Variants in SMARCA1 observed in about 807,000 individuals in gnomAD.
SMARCA1 encodes the protein SWI/SNF-related matrix-associated actin-dependent regulator of chromatin subfamily A member 1.
Under a neutral mutation model 93.6 loss-of-function variants are expected in SMARCA1, and 17 were observed. The ratio of observed to expected loss-of-function variants is 0.18; its 90% CI spans 0.12 to 0.27. The LOEUF is 0.27. SMARCA1 is among the 10% of genes least tolerant of loss of function. The pLI, the probability that SMARCA1 is intolerant of heterozygous loss-of-function variation, is 1.00. For synonymous variants in SMARCA1, 271 were observed against 271.4 expected (o/e 1.00, Z 0.01); for missense variants, 630 against 819.0 (o/e 0.77, Z 2.82).
chrX:129,502,000 G>A (rs150569525), intron 9 of SMARCA1, among the ~76,000 whole-genome samples: 1,371 of 111,925 alleles, frequency 0.012, 11 homozygotes, highest in African/African-American at 0.043. Flanking sequence ...TAAGTATATA[G>A]CAGACAATAA....
chrX:129,488,868 T>C, intron 16 of SMARCA1, 69 bp downstream of exon 16: 1 of 665,567 alleles, frequency 1.5e-6, no homozygotes, highest in Non-Finnish European at 2.3e-6. Context: ...ACAATGAAAA[T>C]ATAAGTATGC....
intron 23 of SMARCA1, among the ~76,000 whole-genome samples, chrX:129,449,342 C>T (rs150737948): frequency 0.017 from 1,933 of 111,605 alleles, 44 homozygotes; most frequent in East Asian, 0.15. Context: ...CTAGGTGGGG[C>T]GTACAGGATG....
chrX:129,449,291 C>T (rs7060260), intron 23 of SMARCA1, among the ~76,000 whole-genome samples: 2,049 of 111,914 alleles, frequency 0.018, 56 homozygotes, highest in African/African-American at 0.062. Flanking sequence ...TATTACATGG[C>T]TTCTCAGAGC....
At chrX:129,481,258 G>T in intron 17 of SMARCA1, 73 bp from the exon 18 acceptor site, 1 of 638,622 alleles carries the variant, frequency 1.6e-6, no homozygotes, top group Non-Finnish European at 2.5e-6. Context: ...AGTACATCGA[G>T]GCTGCAGAAA....
At chrX:129,499,045 C>CTT (rs35021103) in intron 10 of SMARCA1, among the ~76,000 whole-genome samples, 2 of 105,429 alleles carry the variant, frequency 1.9e-5, no homozygotes, top group Admixed American at 1.0e-4. Flanking sequence ...AGCAAGAATG[C>CTT]TTTTTTTTTT....
At chrX:129,464,027 A>G (rs1602656653) in intron 23 of SMARCA1, among the ~76,000 whole-genome samples, 1 of 111,423 alleles carries the variant, frequency 9.0e-6, no homozygotes, top group South Asian at 3.7e-4. Context: ...CATTCCAACT[A>G]CTCTAGCTCC....
Position 129,465,689 on chromosome X carries a change from T to C in SMARCA1, c.2861A>G (p.Tyr954Cys). The C allele has an allele frequency of 8.4e-7, 1 of 1,192,543 alleles. No individual in the cohort carries two copies. The highest frequency in any genetic ancestry group is 1.7e-5 in the African/African-American group (1 of 57,241). ...KAPFHQLRIQ[Y>C]GTSKGKNYTE... is the part of the protein sequence containing the mutation. ...ATAGTTCTTTCCTTTGCTGGTTCCA[T>C]ACTGAATGCGCAACTGATGAAATGG... The change falls in exon 23 of 25, where the codon TAT becomes TGT. Residue 954 changes from tyrosine (Y) to cysteine (C), a missense_variant. Tyr to Cys is a radical substitution (Grantham distance 194). Coordinates refer to ENST00000371121, the MANE Select transcript of SMARCA1 (RefSeq NM_001282874.2).
At chrX:129,522,045 T>A (rs1189573767) in intron 1 of SMARCA1, among the ~76,000 whole-genome samples, 1 of 111,846 alleles carries the variant, frequency 8.9e-6, no homozygotes, top group Non-Finnish European at 1.9e-5. Context: ...CTTTTTAAAA[T>A]TGCGATATGA....
intron 12 of SMARCA1, among the ~76,000 whole-genome samples, chrX:129,495,380 G>A (rs1428858659): frequency 9.0e-6 from 1 of 111,650 alleles, no homozygotes; most frequent in African/African-American, 3.3e-5. Context: ...ACAGGAACTG[G>A]GGTCTTGTCC....
In SMARCA1 at chrX:129,475,149, A is replaced by T. The variant is rs761389170; in HGVS notation, c.2443-3823T>A. Among the ~76,000 whole-genome samples the T allele has an allele frequency of 5.9e-3, 611 of 102,905 alleles. 3 individuals carry two copies. Among genetic ancestry groups the T allele is most frequent in the Admixed American group, 0.019 (178 of 9,492 alleles). 89.4% of individuals were successfully genotyped at this position (102,905 alleles called of 115,157 possible). ...TAGTCATCATTTTAATAAGACATAC[A>T]TTTTTTTTTTTTTACCTCATGAGGT... On this transcript the variant is annotated intron_variant, in intron 19 of 24. Transcript: ENST00000371121.
At position 129,523,328 on chromosome X, in the gene SMARCA1, C is replaced by CGGCTGCCACGGT; in HGVS notation, c.31_42dup (p.Thr11_Ala14dup). ...ACCACGATAGTGGCGGTCGCATCCG[C>CGGCTGCCACGGT]GGCTGCCACGGTGGCTGCCACTGCG... On this transcript the variant is annotated inframe_insertion, in exon 1 of 25. Transcript: ENST00000371121. 2 of 1,198,524 alleles carry CGGCTGCCACGGT rather than the reference C, an allele frequency of 1.7e-6. No individual in the cohort carries two copies. The highest frequency in any genetic ancestry group is 6.0e-5 in the East Asian group (2 of 33,548).
At chrX:129,472,942 G>A (rs1907815651) in intron 19 of SMARCA1, among the ~76,000 whole-genome samples, 1 of 111,581 alleles carries the variant, frequency 9.0e-6, no homozygotes, top group South Asian at 3.8e-4. Context: ...TGCCCACAAG[G>A]AGCTCACAAA....
At position 129,504,752 on chromosome X, in the gene SMARCA1, G is replaced by C; in HGVS notation, c.1149C>G (p.Leu383=). ...TACTTACTGCATGAAGTCTTTCCAC[G>C]AGTTTTTGATCACCAAGACAATTTT... ...DTKNCLGDQK[L]VERLHAVLKP... is the part of the protein sequence containing the mutation. Residue 383 remains leucine, a synonymous_variant, in exon 9 of 25, where the codon CTC becomes CTG. Transcript: ENST00000371121. 8.3e-7 allele frequency: 1 copy of C among 1,197,843 alleles called. No individual in the cohort carries two copies. The highest frequency in any genetic ancestry group is 1.1e-6 in the Non-Finnish European group (1 of 884,171).
At chrX:129,510,001 C>T (rs1456704175) in intron 6 of SMARCA1, among the ~76,000 whole-genome samples, 1 of 112,395 alleles carries the variant, frequency 8.9e-6, no homozygotes, top group Non-Finnish European at 1.9e-5. Context: ...ATCCTATGTT[C>T]TACCAAGATT....
At chrX:129,511,540 G>A (rs1738733066) in intron 6 of SMARCA1, among the ~76,000 whole-genome samples, 1 of 94,678 alleles carries the variant, frequency 1.1e-5, no homozygotes, top group Admixed American at 1.1e-4. Flanking sequence ...AAAATGCTTA[G>A]GTTAATGAAC....
intron 9 of SMARCA1, among the ~76,000 whole-genome samples, 165 bp downstream of exon 9, chrX:129,504,569 A>C (rs12689947): frequency 2.2e-4 from 22 of 98,400 alleles, no homozygotes; most frequent in South Asian, 9.1e-4. Flanking sequence ...AAAAAAAAAA[A>C]AAAAAAAAAA....
In SMARCA1 at chrX:129,515,020, G is replaced by C. The variant is rs1935146543; in HGVS notation, c.630+667C>G. ...GCTGAGATCGTGCCACTGCACTCCAGTCTGGGTGACAGAGCGAGACTCCAT... is the reference window on the plus strand; with the variant it reads ...GCTGAGATCGTGCCACTGCACTCCACTCTGGGTGACAGAGCGAGACTCCAT... On this transcript the variant is annotated intron_variant, in intron 5 of 24. Coordinates refer to ENST00000371121, the MANE Select transcript of SMARCA1 (RefSeq NM_001282874.2). 2.7e-5 allele frequency among the ~76,000 whole-genome samples: 3 copies of C among 111,395 alleles called. No individual in the cohort carries two copies. The Admixed American group carries it at 2.9e-4, about 11-fold the overall frequency.
intron 9 of SMARCA1, among the ~76,000 whole-genome samples, chrX:129,502,833 A>G (rs761719941): frequency 8.9e-6 from 1 of 111,934 alleles, no homozygotes; most frequent in East Asian, 2.8e-4. Flanking sequence ...AAATACAGTC[A>G]GTTAAAAAGA....
chrX:129,466,271 T>C (rs1330187189), intron 21 of SMARCA1, among the ~76,000 whole-genome samples: 1 of 111,498 alleles, frequency 9.0e-6, no homozygotes, highest in Non-Finnish European at 1.9e-5. Flanking sequence ...GCTAGGCTTT[T>C]TACTCAAACA....
Sources: allele counts gnomAD v4.1 joint callset (sites outside exome capture counted in the v4.1 genomes callset), GRCh38; gene constraint gnomAD v4.1.1; transcripts MANE v1.5; gene names NCBI Gene and HGNC (gene_info 2026-07-23, HGNC 2026-07-21).